The following ZNF334 variants were observed in gnomAD, a reference collection of about 807,000 sequenced individuals.
The protein encoded by ZNF334 is zinc finger protein 334.
In ZNF334, 14 loss-of-function variants were observed where a neutral mutation model predicts 12.4. The ratio of observed to expected loss-of-function variants is 1.13; its 90% CI spans 0.74 to 1.76. The LOEUF is 1.76. Among genes scored for constraint, ZNF334 ranks in the 40% most tolerant of loss-of-function variants. The probability of loss-of-function intolerance (pLI) is 0.00; values close to 1 mark genes in which losing one functional copy is unlikely to be tolerated. For missense variants in ZNF334, 797 were observed against 804.5 expected (o/e 0.99, Z 0.11); for synonymous variants, 273 against 269.6 (o/e 1.01, Z -0.12).
At chr20:46,487,309 C>T in the ZNF334 span, among the ~76,000 whole-genome samples, 3 of 152,190 alleles carry the variant, frequency 2.0e-5, no homozygotes, top group African/African-American at 7.2e-5. Flanking sequence ...AACAATGAGT[C>T]AGTTTTTACA....
chr20:46,478,292 C>CA, the ZNF334 span, among the ~76,000 whole-genome samples: 3 of 152,034 alleles, frequency 2.0e-5, no homozygotes, highest in Non-Finnish European at 4.4e-5. Flanking sequence ...TTAATCAGTA[C>CA]AAAAAAGATG....
At chr20:46,492,876 G>C in the ZNF334 span, 1 of 152,112 alleles carries the variant, frequency 6.6e-6, no homozygotes, top group Non-Finnish European at 1.5e-5. Flanking sequence ...GAGGTCAAGA[G>C]TTCCAGACCA....
the ZNF334 span, among the ~76,000 whole-genome samples, chr20:46,478,515 G>A: frequency 5.9e-5 from 9 of 152,222 alleles, no homozygotes; most frequent in African/African-American, 2.2e-4. Flanking sequence ...TGGCTTTAGA[G>A]AGAATACATT....
At chr20:46,462,634 T>C in the ZNF334 span, among the ~76,000 whole-genome samples, 1 of 152,258 alleles carries the variant, frequency 6.6e-6, no homozygotes, top group Non-Finnish European at 1.5e-5. Context: ...TGTGTTAATA[T>C]GTAGGATAAC....
At position 46,502,011 on chromosome 20, in the gene ZNF334, C is replaced by A. The variant is rs754281297; in HGVS notation, c.1328G>T (p.Cys443Phe). The part of the protein sequence containing the change: ...YECSQCGKFL[C>F]TKSALIAHQI... ...ATGTGCAATGAGGGCTGATTTCGTA[C>A]ATAAAAATTTTCCACATTGACTGCA... is the stretch of plus-strand genomic sequence containing the variant. Residue 443 changes from cysteine to phenylalanine, a missense_variant, in exon 5 of 5, where the codon TGT (cysteine) becomes TTT (phenylalanine). Physicochemically the swap from Cys to Phe is radical, Grantham distance 205 (BLOSUM62 -2). Coordinates refer to ENST00000692313, the MANE Select transcript of ZNF334 (RefSeq NM_001353824.2). 2 of 1,614,030 alleles carry A rather than the reference C, an allele frequency of 1.2e-6. No homozygotes were observed. The highest frequency in any genetic ancestry group is 1.7e-6 in the Non-Finnish European group (2 of 1,180,012).
downstream of ZNF334, among the ~76,000 whole-genome samples, chr20:46,495,163 T>C (rs1386213952): frequency 1.3e-5 from 2 of 152,174 alleles, no homozygotes; most frequent in Non-Finnish European, 2.9e-5. Context: ...AAATGATGCA[T>C]CTTTTGCATT....
At chr20:46,473,244 T>A in the ZNF334 span, among the ~76,000 whole-genome samples, 1 of 152,362 alleles carries the variant, frequency 6.6e-6, no homozygotes, top group East Asian at 1.9e-4. Context: ...ATATTCATTA[T>A]TTGTACCTTT....
chr20:46,489,649 C>CAAA, the ZNF334 span, among the ~76,000 whole-genome samples: 2 of 90,770 alleles, frequency 2.2e-5, no homozygotes, highest in African/African-American at 4.1e-5. Flanking sequence ...CAGACTCTCT[C>CAAA]AAAAAAAAAA....
chr20:46,464,057 T>C, the ZNF334 span: 25 of 631,618 alleles, frequency 4.0e-5, no homozygotes, highest in Admixed American at 1.5e-4. Context: ...GGGTCATTGT[T>C]CTCTCTTTCC....
At chr20:46,472,601 C>A in the ZNF334 span, among the ~76,000 whole-genome samples, 1 of 152,104 alleles carries the variant, frequency 6.6e-6, no homozygotes, top group Non-Finnish European at 1.5e-5. Context: ...CTAAATAGCT[C>A]CTTGTGTTCA....
At chr20:46,490,197 A>G in the ZNF334 span, among the ~76,000 whole-genome samples, 9 of 152,224 alleles carry the variant, frequency 5.9e-5, no homozygotes, top group Non-Finnish European at 1.2e-4. Context: ...CTAAGAATCG[A>G]TACTAGAATA....
chr20:46,467,591 G>A, the ZNF334 span, among the ~76,000 whole-genome samples: 14 of 152,216 alleles, frequency 9.2e-5, no homozygotes, highest in Admixed American at 3.9e-4. Flanking sequence ...AATTTTCTCA[G>A]CTTTAGCTCT....
chr20:46,506,686 A>C (rs1189466300), intron 2 of ZNF334: 5 of 208,478 alleles, frequency 2.4e-5, no homozygotes, highest in Non-Finnish European at 3.8e-5. Flanking sequence ...ATACACCAGA[A>C]ACTCATGAAA....
chr20:46,475,189 C>T, the ZNF334 span, among the ~76,000 whole-genome samples: 32 of 152,234 alleles, frequency 2.1e-4, no homozygotes, highest in African/African-American at 7.7e-4. Flanking sequence ...GAGTAAATCA[C>T]AAAATCATTC....
At chr20:46,472,957 G>C in the ZNF334 span, among the ~76,000 whole-genome samples, 1 of 152,202 alleles carries the variant, frequency 6.6e-6, no homozygotes, top group African/African-American at 2.4e-5. Context: ...GGATATATTA[G>C]AAACAGAGAA....
At chr20:46,504,875 T>C (rs1018191463) in intron 2 of ZNF334, 135 bp from the exon 3 acceptor site, 2 of 691,140 alleles carry the variant, frequency 2.9e-6, no homozygotes, top group Non-Finnish European at 4.5e-6. Flanking sequence ...GGCAGAAAAT[T>C]AAAAATCTGT....
At chr20:46,512,219 A>G (rs1220838546) in intron 1 of ZNF334, 79 bp from the exon 2 acceptor site, 8 of 1,061,938 alleles carry the variant, frequency 7.5e-6, no homozygotes, top group Non-Finnish European at 1.4e-6. Context: ...ACAAAGCCAC[A>G]CACCCATTTA....
At chr20:46,510,114 T>A (rs909329178) in intron 2 of ZNF334, among the ~76,000 whole-genome samples, 5 of 152,126 alleles carry the variant, frequency 3.3e-5, no homozygotes, top group African/African-American at 9.7e-5. Context: ...ATGACATACA[T>A]AGCCTTACAG....
intron 2 of ZNF334, chr20:46,505,403 C>A (rs1472431471): frequency 1.3e-5 from 2 of 152,924 alleles, no homozygotes; most frequent in African/African-American, 4.8e-5. Flanking sequence ...AGTATATTTC[C>A]AAGTGAGTTC....
Sources: allele counts gnomAD v4.1 joint callset (sites outside exome capture counted in the v4.1 genomes callset), GRCh38; gene constraint gnomAD v4.1.1; transcripts MANE v1.5; gene names NCBI Gene and HGNC (gene_info 2026-07-23, HGNC 2026-07-21).